The following MAP3K13 variants were observed in gnomAD, a reference collection of about 807,000 sequenced individuals.
The protein encoded by MAP3K13 is leucine zipper-bearing kinase.
A neutral mutation model predicts 104.0 loss-of-function variants in MAP3K13; 52 were observed. The observed-to-expected ratio is 0.50, with a 90% CI of 0.40 to 0.63. The LOEUF is 0.63. Among genes scored for constraint, MAP3K13 ranks in the 20% least tolerant of loss-of-function variants. The pLI is 0.00. For synonymous variants in MAP3K13, 394 were observed against 442.2 expected, an observed-to-expected ratio of 0.89 and a Z score of 1.37; for missense variants, 914 against 1,218.5, an observed-to-expected ratio of 0.75 and a Z score of 3.72.
intron 2 of MAP3K13, among the ~76,000 whole-genome samples, chr3:185,330,046 A>ATTTTTTTTT (rs548813356): frequency 2.3e-4 from 23 of 98,266 alleles, no homozygotes; most frequent in Admixed American, 7.3e-4. Context: ...TGCCTGGCTA[A>ATTTTTTTTT]TTTTTTTTTT....
intron 2 of MAP3K13, among the ~76,000 whole-genome samples, chr3:185,432,357 A>G (rs932547406): frequency 6.9e-5 from 9 of 130,220 alleles, no homozygotes; most frequent in African/African-American, 2.4e-4. Flanking sequence ...CGCCTGGCTA[A>G]TTTTTGTGTT....
intron 2 of MAP3K13, chr3:185,292,710 A>G: frequency 4.1e-6 from 4 of 985,402 alleles, no homozygotes; most frequent in Non-Finnish European, 3.6e-6. Flanking sequence ...AGCATGTACC[A>G]TGTCCAGGTT....
chr3:185,455,436 T>TG (rs1716503016), intron 7 of MAP3K13, among the ~76,000 whole-genome samples: 1 of 68,522 alleles, frequency 1.5e-5, no homozygotes, highest in Non-Finnish European at 3.2e-5. Context: ...ATATATGAGA[T>TG]ATATATATGA....
intron 11 of MAP3K13, among the ~76,000 whole-genome samples, chr3:185,474,566 A>G (rs765872547): frequency 2.6e-5 from 4 of 152,194 alleles, no homozygotes; most frequent in Non-Finnish European, 5.9e-5. Context: ...TCCCTCACCT[A>G]TTTGAACATA....
At chr3:185,394,359 G>C (rs536742326) in intron 1 of MAP3K13, among the ~76,000 whole-genome samples, 17 of 152,278 alleles carry the variant, frequency 1.1e-4, no homozygotes, top group African/African-American at 3.9e-4. Context: ...AAAGAATGAT[G>C]TTGATTAAGA....
chr3:185,413,316 T>A (rs954913438), intron 1 of MAP3K13, among the ~76,000 whole-genome samples: 2 of 152,230 alleles, frequency 1.3e-5, no homozygotes, highest in African/African-American at 4.8e-5. Context: ...AGAGCAGCAC[T>A]GTCCAATGGA....
chr3:185,290,290 ATACC>A (rs1451008855), intron 2 of MAP3K13, among the ~76,000 whole-genome samples: 1 of 152,216 alleles, frequency 6.6e-6, no homozygotes, highest in Non-Finnish European at 1.5e-5. Flanking sequence ...TATAGAAAAT[ATACC>A]TAAGCAAAAA....
Position 185,418,775 on chromosome 3 carries a change from CCAT to C in MAP3K13, c.-85-9721_-85-9719del. On this transcript the variant is annotated intron_variant, in intron 1 of 13. Coordinates refer to ENST00000265026, the MANE Select transcript of MAP3K13 (RefSeq NM_004721.5). This position sits in a 1 kb window ranked among gnomAD's most constrained non-coding sequence, Gnocchi z 4.5. ...ACCGATATCATTGGGCGAGCACACG[CCAT>C]GGCGGAGAGAGGAGACAGCCACGCT... The C allele has an allele frequency of 6.2e-7, 1 of 1,601,266 alleles. No individual in the cohort carries two copies. The highest frequency in any genetic ancestry group is 8.5e-7 in the Non-Finnish European group (1 of 1,170,680).
rs1718528219 is a variant in MAP3K13 at position 185,482,585 on chromosome 3, C to T, written c.*129C>T. The T allele has an allele frequency of 3.1e-6, 2 of 638,692 alleles. No homozygotes were observed. Among genetic ancestry groups the T allele is most frequent in the Non-Finnish European group, 5.5e-6 (2 of 363,184 alleles). 39.6% of individuals were successfully genotyped at this position (638,692 alleles called of 1,614,324 possible). A position where few individuals can be genotyped will look rare whatever the true frequency, so the allele number is the denominator to read the frequency against. ...GAGACTACCCCATCTTTACCACCCC[C>T]TAGAAATGAGCTGCAATAACAGGAA... On this transcript the variant is annotated 3_prime_UTR_variant, in exon 14 of 14. Transcript: ENST00000265026. This position sits in a 1 kb window ranked among gnomAD's most constrained non-coding sequence, Gnocchi z 4.5.
At chr3:185,302,690 A>G (rs1344783826) in intron 2 of MAP3K13, among the ~76,000 whole-genome samples, 4 of 152,112 alleles carry the variant, frequency 2.6e-5, no homozygotes, top group African/African-American at 9.7e-5. Context: ...ATTCTGAATC[A>G]TTGATTTTGT....
chr3:185,287,079 A>G (rs1471774657), intron 2 of MAP3K13, among the ~76,000 whole-genome samples: 1 of 152,130 alleles, frequency 6.6e-6, no homozygotes, highest in African/African-American at 2.4e-5. Flanking sequence ...TATATTTTAA[A>G]CCTTGACGTT....
intron 10 of MAP3K13, among the ~76,000 whole-genome samples, chr3:185,472,079 G>A (rs1410847383): frequency 1.3e-5 from 2 of 152,042 alleles, no homozygotes; most frequent in East Asian, 3.9e-4. Context: ...GTTGGCTATT[G>A]TTTCTGCTGT....
At chr3:185,371,221 A>G (rs1291249486) in intron 1 of MAP3K13, among the ~76,000 whole-genome samples, 1 of 152,146 alleles carries the variant, frequency 6.6e-6, no homozygotes, top group Admixed American at 6.5e-5. Flanking sequence ...TGTTCATTTC[A>G]TCAGTTTGGA....
chr3:185,338,054 C>T (rs936487102), intron 2 of MAP3K13, among the ~76,000 whole-genome samples: 5 of 152,066 alleles, frequency 3.3e-5, no homozygotes, highest in Admixed American at 2.0e-4. Context: ...AATGGCCAGT[C>T]GCAGCGGCTC....
In MAP3K13 at chr3:185,428,606, A is replaced by T. The variant is rs775089877; in HGVS notation, c.25A>T (p.Ser9Cys). 3.4e-5 allele frequency: 54 copies of T among 1,604,132 alleles called. 1 individual carries two copies. The South Asian group carries it at 5.9e-4, about 18-fold the overall frequency. MANFQEHL[S>C]CSSSPHLPFS... ...GATGGCCAACTTTCAGGAGCACCTG[A>T]GCTGCTCCTCTTCTCCACACTTACC... is the stretch of plus-strand genomic sequence containing the variant. The change falls in exon 2 of 14, where the codon AGC becomes TGC. Residue 9 changes from serine to cysteine, a missense_variant. By Grantham distance (112) the Ser-to-Cys change is moderately radical. Coordinates refer to ENST00000265026, the MANE Select transcript of MAP3K13 (RefSeq NM_004721.5).
chr3:185,287,106 G>A (rs190005931), intron 2 of MAP3K13, among the ~76,000 whole-genome samples: 1 of 152,064 alleles, frequency 6.6e-6, no homozygotes, highest in Non-Finnish European at 1.5e-5. Flanking sequence ...TTACTATTAA[G>A]ATCTTAAGAA....
At chr3:185,368,400 T>G (rs938552807) in intron 1 of MAP3K13, among the ~76,000 whole-genome samples, 2 of 152,190 alleles carry the variant, frequency 1.3e-5, no homozygotes, top group Non-Finnish European at 2.9e-5. Flanking sequence ...CAGTCCAGCA[T>G]GAATTTAAAA....
chr3:185,326,053 T>C (rs1454833487), intron 2 of MAP3K13, among the ~76,000 whole-genome samples: 2 of 152,196 alleles, frequency 1.3e-5, no homozygotes. Flanking sequence ...TCCTTCTCAG[T>C]GAGTCCTGAA....
Position 185,473,724 on chromosome 3 carries a change from C to T in MAP3K13, c.2393C>T (p.Pro798Leu). 2.5e-6 allele frequency: 4 copies of T among 1,613,986 alleles called. No individual in the cohort carries two copies. Among genetic ancestry groups the T allele is most frequent in the East Asian group, 2.2e-5 (1 of 44,878 alleles). The change falls in exon 11 of 14, where the codon CCT becomes CTT. Residue 798 changes from proline to leucine, a missense_variant. By Grantham distance (98) the Pro-to-Leu change is moderately conservative (BLOSUM62 -3). This residue lies in a region of MAP3K13 where 583 missense variants were observed against 737.4 expected (regional missense o/e 0.79). Coordinates refer to ENST00000265026, the MANE Select transcript of MAP3K13 (RefSeq NM_004721.5). The surrounding 1 kb of genome is among the most constrained non-coding windows in gnomAD (Gnocchi z 4.9). ...SSLGTSHLGTPPALPRKTRPL... is the reference protein window; with the variant it reads ...SSLGTSHLGTLPALPRKTRPL... ...CTCGGCACCTCTCATCTCGGCACCC[C>T]TCCAGCGCTACCTCGAAAAACAAGG... is the stretch of plus-strand genomic sequence containing the variant.
Sources: allele counts gnomAD v4.1 joint callset (sites outside exome capture counted in the v4.1 genomes callset), GRCh38; gene constraint gnomAD v4.1.1; regional missense constraint gnomAD v4.1.1; non-coding constraint Gnocchi (gnomAD v3.1); transcripts MANE v1.5; gene names NCBI Gene and HGNC (gene_info 2026-07-23, HGNC 2026-07-21).